Variants in CSMD3 observed in about 807,000 individuals in gnomAD.
CSMD3 encodes CUB and Sushi multiple domains 3.
Under a neutral mutation model 435.2 loss-of-function variants are expected in CSMD3, and 177 were observed. The ratio of observed to expected loss-of-function variants is 0.41; its 90% CI spans 0.36 to 0.46. The LOEUF (loss-of-function observed/expected upper bound fraction) is 0.46. CSMD3 is among the 20% of genes least tolerant of loss of function. The pLI, the probability that CSMD3 is intolerant of heterozygous loss-of-function variation, is 0.34. For missense variants in CSMD3, 4,265 were observed against 4,504.6 expected, an observed-to-expected ratio of 0.95 and a Z score of 1.52; for synonymous variants, 1,656 against 1,520.5, an observed-to-expected ratio of 1.09 and a Z score of -2.07.
chr8:112,467,681 C>T (rs1353532905), intron 32 of CSMD3, among the ~76,000 whole-genome samples: 1 of 151,868 alleles, frequency 6.6e-6, no homozygotes, highest in South Asian at 2.1e-4. Context: ...GTAGAGTGGG[C>T]CCTAAATCCA....
At chr8:112,519,737 T>G (rs1319195945) in intron 27 of CSMD3, among the ~76,000 whole-genome samples, 1 of 152,154 alleles carries the variant, frequency 6.6e-6, no homozygotes, top group African/African-American at 2.4e-5. Context: ...ATTTTTCCAT[T>G]GAGAAAATCG....
At position 113,196,956 on chromosome 8, in the gene CSMD3, ACC is replaced by A. The variant is rs750452516; in HGVS notation, c.515-23042_515-23041del. 4.3e-3 allele frequency among the ~76,000 whole-genome samples: 655 copies of A among 151,214 alleles called. 3 individuals are homozygous for A. The highest frequency in any genetic ancestry group is 7.0e-3 in the Non-Finnish European group (475 of 67,392). The stretch of plus-strand genomic sequence containing the variant: ...TTGTGCAATCTCAGGTAAGTACTTA[ACC>A]CCTCTGTGGAACAATTTTCTTACTT... On this transcript the variant is annotated intron_variant, in intron 3 of 70. Coordinates refer to ENST00000297405, the MANE Select transcript of CSMD3 (RefSeq NM_198123.2).
chr8:113,291,435 T>C (rs1273595467), intron 2 of CSMD3, among the ~76,000 whole-genome samples: 2 of 151,914 alleles, frequency 1.3e-5, no homozygotes, highest in African/African-American at 2.4e-5. Flanking sequence ...AGGACAGTTA[T>C]TGGAAAATTG....
At chr8:112,457,537 A>T (rs533113707) in intron 32 of CSMD3, among the ~76,000 whole-genome samples, 1 of 152,222 alleles carries the variant, frequency 6.6e-6, no homozygotes, top group East Asian at 1.9e-4. Context: ...TACAGTTCTC[A>T]TATCACAAAT....
intron 3 of CSMD3, among the ~76,000 whole-genome samples, chr8:113,200,383 C>T (rs2092704319): frequency 6.6e-6 from 1 of 151,658 alleles, no homozygotes; most frequent in Admixed American, 6.6e-5. Flanking sequence ...TCCTTGTAAT[C>T]CATTAGTCTA....
intron 6 of CSMD3, among the ~76,000 whole-genome samples, chr8:112,998,911 T>C (rs1319380553): frequency 6.6e-6 from 1 of 151,978 alleles, no homozygotes; most frequent in Non-Finnish European, 1.5e-5. Context: ...GACTGTAAGT[T>C]TCCTGAGGCC....
intron 3 of CSMD3, among the ~76,000 whole-genome samples, chr8:113,240,883 C>G (rs1411372993): frequency 2.6e-5 from 4 of 152,082 alleles, no homozygotes; most frequent in Admixed American, 2.6e-4. Flanking sequence ...ATTAGTTTCT[C>G]TCTTTCTTTC....
At chr8:112,764,083 C>G (rs1275812338) in intron 13 of CSMD3, among the ~76,000 whole-genome samples, 1 of 151,358 alleles carries the variant, frequency 6.6e-6, no homozygotes, top group Admixed American at 6.6e-5. Context: ...CCACTTCCAA[C>G]AGGATTAATA....
intron 22 of CSMD3, among the ~76,000 whole-genome samples, chr8:112,629,708 G>C (rs1563787437): frequency 6.6e-6 from 1 of 152,100 alleles, no homozygotes; most frequent in African/African-American, 2.4e-5. Flanking sequence ...AGTGTTTTAC[G>C]CAGGGAATAG....
intron 4 of CSMD3, among the ~76,000 whole-genome samples, chr8:113,132,579 A>T (rs1443805875): frequency 1.3e-5 from 2 of 152,162 alleles, no homozygotes; most frequent in Non-Finnish European, 2.9e-5. Context: ...GAGGCTTCCC[A>T]GTCATGCTTC....
At chr8:113,227,066 G>T (rs1187329239) in intron 3 of CSMD3, among the ~76,000 whole-genome samples, 2 of 151,426 alleles carry the variant, frequency 1.3e-5, no homozygotes, top group Non-Finnish European at 3.0e-5. Flanking sequence ...ATAAGCAAAA[G>T]GACTTGCTCT....
At chr8:112,349,301 A>T (rs1469213967) in intron 40 of CSMD3, among the ~76,000 whole-genome samples, 1 of 152,112 alleles carries the variant, frequency 6.6e-6, no homozygotes, top group African/African-American at 2.4e-5. Flanking sequence ...TTGACATTTC[A>T]AATTTTGAAA....
chr8:113,250,761 C>G (rs2093327593), intron 3 of CSMD3, among the ~76,000 whole-genome samples: 2 of 152,020 alleles, frequency 1.3e-5, no homozygotes. Flanking sequence ...TAAAATAGAT[C>G]TCTCAAATAT....
At chr8:112,661,529 G>T (rs2075379326) in intron 17 of CSMD3, among the ~76,000 whole-genome samples, 2 of 152,074 alleles carry the variant, frequency 1.3e-5, no homozygotes, top group Non-Finnish European at 2.9e-5. Context: ...CATCAAGTGA[G>T]CCACTCTTAG....
At chr8:112,475,778 T>C (rs139661909) in intron 31 of CSMD3, among the ~76,000 whole-genome samples, 71 of 152,270 alleles carry the variant, frequency 4.7e-4, no homozygotes, top group African/African-American at 1.5e-3. Flanking sequence ...TGTTTTAATG[T>C]CATCTTATTG....
At chr8:112,418,917 C>T (rs1812189023) in intron 32 of CSMD3, among the ~76,000 whole-genome samples, 1 of 152,034 alleles carries the variant, frequency 6.6e-6, no homozygotes. Flanking sequence ...ATAAAATTAC[C>T]TTAGGTTATG....
intron 3 of CSMD3, among the ~76,000 whole-genome samples, chr8:113,193,624 G>T (rs1475937257): frequency 6.6e-6 from 1 of 151,230 alleles, no homozygotes; most frequent in East Asian, 2.0e-4. Flanking sequence ...GTTTGAGATG[G>T]GTTTCAGGAG....
chr8:112,275,074 T>G (rs1817903661), intron 59 of CSMD3, among the ~76,000 whole-genome samples: 1 of 152,106 alleles, frequency 6.6e-6, no homozygotes. Flanking sequence ...AAAGTCGGCT[T>G]GCTTCCTCAT....
chr8:112,874,625 C>CTGTTACATTGATCCCTTTACCA (rs1328105484), intron 10 of CSMD3, among the ~76,000 whole-genome samples: 1 of 152,070 alleles, frequency 6.6e-6, no homozygotes, highest in Non-Finnish European at 1.5e-5. Context: ...TCAGCTCTTC[C>CTGTTACATTGATCCCTTTACCA]TGTTACATTG....
Sources: gnomAD v4.1 joint callset for allele counts (sites outside exome capture counted in the v4.1 genomes callset) on GRCh38, gnomAD v4.1.1 for gene constraint, MANE v1.5 for transcripts, NCBI Gene and HGNC (gene_info 2026-07-23, HGNC 2026-07-21) for gene names.